Variants in APLP2 observed in about 807,000 individuals in gnomAD.
APLP2 encodes amyloid beta precursor like protein 2, also known as CDEI box-binding protein.
Under a neutral mutation model 89.9 loss-of-function variants are expected in APLP2, and 53 were observed. That is an observed-to-expected ratio of 0.59 (90% CI 0.47 to 0.74). The LOEUF is 0.74. Among genes scored for constraint, APLP2 ranks in the 30% least tolerant of loss-of-function variants. APLP2 has a pLI of 0.00. For missense variants in APLP2, 973 were observed against 975.9 expected (o/e 1.00, Z 0.04); for synonymous variants, 372 against 348.6 (o/e 1.07, Z -0.75).
intron 9 of APLP2, 113 bp from the exon 10 acceptor site, chr11:130,128,935 C>G: frequency 8.4e-7 from 1 of 1,197,064 alleles, no homozygotes. Context: ...CTCTCCGAAC[C>G]TGTTACTGTC....
intron 13 of APLP2, among the ~76,000 whole-genome samples, chr11:130,135,955 G>A (rs1419767259): frequency 6.6e-6 from 1 of 152,150 alleles, no homozygotes; most frequent in African/African-American, 2.4e-5. Context: ...AAGATGGGTG[G>A]CTTCAAACCC....
At chr11:130,091,456 C>T (rs1945154805) in intron 1 of APLP2, among the ~76,000 whole-genome samples, 1 of 134,224 alleles carries the variant, frequency 7.5e-6, no homozygotes, top group Non-Finnish European at 1.6e-5. Context: ...CAGAGGCGCC[C>T]CTCACCTCCC....
At position 130,069,995 on chromosome 11, in the gene APLP2, C is replaced by T. The variant is rs1290614818; in HGVS notation, c.18C>T (p.Thr6=). 3 of 1,501,700 alleles carry T rather than the reference C, an allele frequency of 2.0e-6. No individual in the cohort carries two copies. The highest frequency in any genetic ancestry group is 2.1e-5 in the Admixed American group (1 of 48,118). 93.0% of individuals were successfully genotyped at this position (1,501,700 alleles called of 1,614,324 possible). A position where few individuals can be genotyped will look rare whatever the true frequency, so the allele number is the denominator to read the frequency against. Residue 6 remains threonine, a synonymous_variant, in exon 1 of 17, where the codon ACC becomes ACT. Coordinates refer to ENST00000338167, the MANE Select transcript of APLP2 (RefSeq NM_001142276.2). The stretch of plus-strand genomic sequence containing the variant: ...GGCGAGGGATGGCGGCCACCGGGAC[C>T]GCGGCCGCCGCAGCCACGGGCAGGC... MAATG[T]AAAAATGRLL...
At chr11:130,076,998 T>A (rs914959198) in intron 1 of APLP2, among the ~76,000 whole-genome samples, 1 of 152,200 alleles carries the variant, frequency 6.6e-6, no homozygotes, top group Non-Finnish European at 1.5e-5. Context: ...GCTTATCAGA[T>A]GGTGATACCT....
intron 6 of APLP2, among the ~76,000 whole-genome samples, chr11:130,122,778 C>G (rs1251610938): frequency 6.6e-6 from 1 of 152,166 alleles, no homozygotes; most frequent in Non-Finnish European, 1.5e-5. Context: ...CGCCCTTCAG[C>G]AGGATTCTTC....
At chr11:130,116,551 T>C (rs1949192201) in intron 3 of APLP2, among the ~76,000 whole-genome samples, 1 of 152,128 alleles carries the variant, frequency 6.6e-6, no homozygotes, top group Non-Finnish European at 1.5e-5. Context: ...AGTGGCGCGA[T>C]CTTGGCTGAC....
chr11:130,076,994 C>G (rs1177791129), intron 1 of APLP2, among the ~76,000 whole-genome samples: 1 of 152,162 alleles, frequency 6.6e-6, no homozygotes, highest in African/African-American at 2.4e-5. Flanking sequence ...TTGGGCTTAT[C>G]AGATGGTGAT....
Position 130,123,915 on chromosome 11 carries a change from C to T in APLP2, c.1090+136C>T. 1 of 947,050 alleles carries T rather than the reference C, an allele frequency of 1.1e-6. No homozygotes were observed. The highest frequency in any genetic ancestry group is 1.6e-5 in the South Asian group (1 of 63,590). 58.7% of individuals were successfully genotyped at this position (947,050 alleles called of 1,614,324 possible). ...TTGCTGTCGGTCGTCTTCCCCTCATCTTTGTGCTTTCTAGATCTAGGCTTT... is the reference window on the plus strand; with the variant it reads ...TTGCTGTCGGTCGTCTTCCCCTCATTTTTGTGCTTTCTAGATCTAGGCTTT... On this transcript the variant is annotated intron_variant, in intron 7 of 16. Transcript: ENST00000338167. This position sits in a 1 kb window ranked among gnomAD's most constrained non-coding sequence, Gnocchi z 4.0.
At chr11:130,136,003 A>T (rs187944175) in intron 13 of APLP2, among the ~76,000 whole-genome samples, 1 of 152,202 alleles carries the variant, frequency 6.6e-6, no homozygotes, top group East Asian at 1.9e-4. Flanking sequence ...TACATGGGGG[A>T]GGCACTTGGC....
chr11:130,108,044 C>T (rs1948029668), intron 1 of APLP2, among the ~76,000 whole-genome samples: 1 of 152,192 alleles, frequency 6.6e-6, no homozygotes, highest in Non-Finnish European at 1.5e-5. Flanking sequence ...TCCTTCCTTA[C>T]ACCTTATACA....
chr11:130,109,921 G>A, intron 2 of APLP2: 1 of 260,678 alleles, frequency 3.8e-6, no homozygotes. Context: ...CTTACTGACA[G>A]AAAGCCACCA....
intron 1 of APLP2, among the ~76,000 whole-genome samples, chr11:130,083,026 C>CTTGTTTTTTT (rs1943478177): frequency 1.4e-5 from 1 of 72,488 alleles, no homozygotes; most frequent in Non-Finnish European, 2.6e-5. Context: ...CTTTTCTTTT[C>CTTGTTTTTTT]TTTTTTTTTT....
intron 1 of APLP2, among the ~76,000 whole-genome samples, chr11:130,089,640 G>A (rs1286224474): frequency 6.6e-6 from 1 of 152,006 alleles, no homozygotes. Flanking sequence ...TGCCACAAAT[G>A]GAGTGACTTA....
chr11:130,119,342 C>T (rs1949562833), intron 3 of APLP2, among the ~76,000 whole-genome samples: 1 of 151,916 alleles, frequency 6.6e-6, no homozygotes. Flanking sequence ...GATTACTGAG[C>T]CTTACCTTAC....
In APLP2 at chr11:130,143,457, G is replaced by C. The variant is rs982632323; in HGVS notation, c.*9G>C. The C allele has an allele frequency of 1.9e-6, 3 of 1,611,010 alleles. No homozygotes were observed. The African/African-American group carries it at 4.0e-5, about 22-fold the overall frequency. ...AGCAGATGCAGATTTAGGTGGCAGG[G>C]AGCGCGGCAGCCCTGGCGGAGGGAT... On this transcript the variant is annotated 3_prime_UTR_variant, in exon 17 of 17. Transcript: ENST00000338167.
chr11:130,122,576 A>G, intron 6 of APLP2, 63 bp downstream of exon 6: 1 of 1,600,674 alleles, frequency 6.2e-7, no homozygotes, highest in Non-Finnish European at 8.5e-7. Context: ...AGACTTTTGC[A>G]TTGCGTCTGT....
chr11:130,091,915 A>C (rs1945336654), intron 1 of APLP2, among the ~76,000 whole-genome samples: 2 of 123,796 alleles, frequency 1.6e-5, no homozygotes, highest in African/African-American at 7.4e-5. Context: ...GAGGCTCCTC[A>C]CTTCTCAGAC....
At chr11:130,070,797 C>T (rs768339038) in intron 1 of APLP2, 36 of 1,325,126 alleles carry the variant, frequency 2.7e-5, no homozygotes, top group Non-Finnish European at 3.5e-5. Flanking sequence ...AAGGTGCCCG[C>T]GAAGGCGTGT....
intron 3 of APLP2, among the ~76,000 whole-genome samples, chr11:130,119,094 G>A (rs73041271): frequency 0.088 from 13,447 of 152,236 alleles, 652 homozygotes; most frequent in East Asian, 0.17. Context: ...CCATGATGGC[G>A]AGGCTGGGTG....
Sources: gnomAD v4.1 joint callset for allele counts (sites outside exome capture counted in the v4.1 genomes callset) on GRCh38, gnomAD v4.1.1 for gene constraint, Gnocchi (gnomAD v3.1) non-coding constraint, MANE v1.5 for transcripts, NCBI Gene and HGNC (gene_info 2026-07-23, HGNC 2026-07-21) for gene names.